The following CCDC40 variants were observed in gnomAD, a reference collection of about 807,000 sequenced individuals.
The protein encoded by CCDC40 is coiled-coil domain 40 molecular ruler complex subunit, also known as coiled-coil domain-containing protein 40.
Under a neutral mutation model 124.5 loss-of-function variants are expected in CCDC40, and 104 were observed. That is an observed-to-expected ratio of 0.84 (90% CI 0.71 to 0.98). The LOEUF is 0.98. CCDC40 is among the 50% of genes least tolerant of loss of function. The pLI, the probability that CCDC40 is intolerant of heterozygous loss-of-function variation, is 0.00. For synonymous variants in CCDC40, 580 were observed against 602.9 expected (o/e 0.96, Z 0.56); for missense variants, 1,463 against 1,503.9 (o/e 0.97, Z 0.45).
intron 3 of CCDC40, among the ~76,000 whole-genome samples, chr17:80,044,262 A>G (rs567675797): frequency 6.6e-6 from 1 of 152,328 alleles, no homozygotes; most frequent in East Asian, 1.9e-4. Context: ...ACCCTGGGAA[A>G]CCCGAAAGAG....
chr17:80,048,688 G>C lies in CCDC40; in HGVS notation c.782G>C (p.Arg261Thr), dbSNP rs927440419. ...PSTEEGAMAERVESEGSDEEA... is the reference protein window; with the variant it reads ...PSTEEGAMAETVESEGSDEEA... ...ACCGAGGAGGGGGCCATGGCAGAGA[G>C]AGTGGAGTCCGAGGGGAGTGACGAG... is the stretch of plus-strand genomic sequence containing the variant. Residue 261 changes from arginine to threonine, a missense_variant, in exon 5 of 20, where the codon AGA becomes ACA. Coordinates refer to ENST00000397545, the MANE Select transcript of CCDC40 (RefSeq NM_017950.4). 3.7e-6 allele frequency: 6 copies of C among 1,614,022 alleles called. No individual in the cohort carries two copies. The Admixed American group carries it at 6.7e-5, about 18-fold the overall frequency.
intron 17 of CCDC40, chr17:80,092,281 C>T (rs965146263): frequency 6.6e-6 from 1 of 152,260 alleles, no homozygotes; most frequent in Non-Finnish European, 1.5e-5. Context: ...GGCAATTCGC[C>T]CACCTCAGCC....
intron 17 of CCDC40, among the ~76,000 whole-genome samples, chr17:80,094,227 G>A (rs920506956): frequency 3.3e-5 from 5 of 149,344 alleles, no homozygotes; most frequent in South Asian, 2.2e-4. Flanking sequence ...TGGCCACCAC[G>A]GTGAAACCCT....
intron 1 of CCDC40, among the ~76,000 whole-genome samples, chr17:80,037,119 G>A (rs1413330076): frequency 6.6e-6 from 1 of 152,144 alleles, no homozygotes; most frequent in African/African-American, 2.4e-5. Context: ...CGCTGTGGCC[G>A]GAGACCAGCC....
intron 10 of CCDC40, among the ~76,000 whole-genome samples, chr17:80,076,182 A>G (rs1263668635): frequency 6.6e-6 from 1 of 152,236 alleles, no homozygotes; most frequent in African/African-American, 2.4e-5. Flanking sequence ...GTAAAATCCT[A>G]TCAAACAGCA....
intron 1 of CCDC40, among the ~76,000 whole-genome samples, chr17:80,037,697 A>ATATATATG (rs2037148377): frequency 1.7e-5 from 1 of 60,288 alleles, no homozygotes; most frequent in Admixed American, 1.6e-4. Flanking sequence ...AAAGATATAC[A>ATATATATG]TATATATATA....
intron 3 of CCDC40, 69 bp from the exon 4 acceptor site, chr17:80,047,210 G>T: frequency 6.5e-7 from 1 of 1,537,576 alleles, no homozygotes. Flanking sequence ...AATGTAATGA[G>T]TTAAAATTGA....
chr17:80,045,646 G>T (rs1426910624), intron 3 of CCDC40, among the ~76,000 whole-genome samples: 2 of 152,128 alleles, frequency 1.3e-5, no homozygotes, highest in Non-Finnish European at 2.9e-5. Flanking sequence ...GGAGTTTGCA[G>T]TGAGCCGAGA....
Position 80,086,587 on chromosome 17 carries a change from A to C in CCDC40, c.2449+371A>C. On this transcript the variant is annotated intron_variant, in intron 14 of 19. Transcript: ENST00000397545. The surrounding 1 kb of genome is among the most constrained non-coding windows in gnomAD (Gnocchi z 5.5). ...GGCAGGCTCCTGGTGCTGTCCCCACATCACCTCCAGTTGGGCTTAGAAAAC... is the reference window on the plus strand; with the variant it reads ...GGCAGGCTCCTGGTGCTGTCCCCACCTCACCTCCAGTTGGGCTTAGAAAAC... The C allele has an allele frequency of 3.3e-6, 1 of 307,510 alleles. No homozygotes were observed. Among genetic ancestry groups the C allele is most frequent in the Non-Finnish European group, 6.3e-6 (1 of 158,610 alleles). 19.0% of individuals were successfully genotyped at this position (307,510 alleles called of 1,614,324 possible).
At chr17:80,097,865 A>G (rs2038837922) in intron 19 of CCDC40, 1 of 186,982 alleles carries the variant, frequency 5.3e-6, no homozygotes, top group South Asian at 1.0e-4. Context: ...GTACCACTGC[A>G]CTCCAGCCTG....
intron 5 of CCDC40, among the ~76,000 whole-genome samples, chr17:80,049,240 C>CAA (rs200114991): frequency 7.5e-6 from 1 of 133,954 alleles, no homozygotes. Flanking sequence ...ACTAAAAATA[C>CAA]AAAAAAAAAA....
intron 10 of CCDC40, 133 bp from the exon 11 acceptor site, chr17:80,081,413 A>AATAAATAAATAAATAAATAG: frequency 1.4e-6 from 1 of 690,732 alleles, no homozygotes; most frequent in Non-Finnish European, 2.5e-6. Flanking sequence ...TAAATAAATA[A>AATAAATAAATAAATAAATAG]GAGTTGGCTT....
chr17:80,086,314 G>A lies in CCDC40; in HGVS notation c.2449+98G>A, dbSNP rs1428679837. 2.5e-5 allele frequency: 24 copies of A among 959,710 alleles called. No individual in the cohort carries two copies. The South Asian group carries it at 2.9e-4, about 12-fold the overall frequency. The allele number at this position is 959,710 out of a possible 1,614,324, so 59.4% of individuals were successfully genotyped here. ...GGGCACTCAGTGGGGCACGTCGCTG[G>A]ATTTGCACGCAGCCTTAAAAGCAAA... On this transcript the variant is annotated intron_variant, in intron 14 of 19. Coordinates refer to ENST00000397545, the MANE Select transcript of CCDC40 (RefSeq NM_017950.4). This position sits in a 1 kb window ranked among gnomAD's most constrained non-coding sequence, Gnocchi z 5.5.
intron 12 of CCDC40, among the ~76,000 whole-genome samples, chr17:80,082,697 G>T (rs1279524480): frequency 6.6e-6 from 1 of 152,148 alleles, no homozygotes; most frequent in East Asian, 1.9e-4. Context: ...GAGCTGAAGG[G>T]CGTGGTGGGT....
At chr17:80,052,842 A>G (rs926102978) in intron 7 of CCDC40, among the ~76,000 whole-genome samples, 5 of 152,210 alleles carry the variant, frequency 3.3e-5, no homozygotes, top group Admixed American at 3.3e-4. Context: ...GTCTCATGAG[A>G]TTTTAGAGGA....
In CCDC40 at chr17:80,087,800, C is replaced by G. The variant is rs764239286; in HGVS notation, c.2619+24C>G. On this transcript the variant is annotated intron_variant, in intron 15 of 19. Transcript: ENST00000397545. The surrounding 1 kb of genome is among the most constrained non-coding windows in gnomAD (Gnocchi z 4.5). ...AGGTCCGGCCGTGTCCACGCAGTCC[C>G]GGGGCTCAGGACGATGGAGGGCGGG... 5.6e-6 allele frequency: 9 copies of G among 1,611,532 alleles called. No individual in the cohort carries two copies. The highest frequency in any genetic ancestry group is 7.6e-6 in the Non-Finnish European group (9 of 1,177,978).
chr17:80,059,062 G>C, intron 9 of CCDC40, 82 bp downstream of exon 9: 1 of 1,540,710 alleles, frequency 6.5e-7, no homozygotes, highest in Non-Finnish European at 9.0e-7. Flanking sequence ...CTACTAGACT[G>C]CACCTGCCCG....
intron 16 of CCDC40, 104 bp downstream of exon 16, chr17:80,088,206 C>A: frequency 2.6e-6 from 2 of 779,906 alleles, no homozygotes; most frequent in Non-Finnish European, 4.6e-6. Context: ...CAGCTCACAC[C>A]CATATCCCAG....
chr17:80,043,650 T>A (rs1398248116), intron 3 of CCDC40, among the ~76,000 whole-genome samples: 1 of 147,616 alleles, frequency 6.8e-6, no homozygotes, highest in African/African-American at 2.5e-5. Flanking sequence ...CCCAGGTAGC[T>A]GGGACTGCAA....
Sources: allele counts gnomAD v4.1 joint callset (sites outside exome capture counted in the v4.1 genomes callset), GRCh38; gene constraint gnomAD v4.1.1; non-coding constraint Gnocchi (gnomAD v3.1); transcripts MANE v1.5; gene names NCBI Gene and HGNC (gene_info 2026-07-23, HGNC 2026-07-21).